Variants in RPA3 observed in about 807,000 individuals in gnomAD.
RPA3 encodes replication protein A3, also known as replication protein A 14 kDa subunit.
A neutral mutation model predicts 13.7 loss-of-function variants in RPA3; 24 were observed. The ratio of observed to expected loss-of-function variants is 1.75; its 90% confidence interval spans 1.27 to 2.46. The LOEUF is 2.46. Ranked by LOEUF, RPA3 falls within the 30% of genes most tolerant of loss-of-function variation. The pLI is 0.00. For missense variants in RPA3, 183 were observed against 151.0 expected (o/e 1.21, Z -1.11); for synonymous variants, 59 against 51.2 (o/e 1.15, Z -0.65).
chr7:7,701,615 T>G (rs977433015), intron 2 of RPA3, among the ~76,000 whole-genome samples: 5 of 152,292 alleles, frequency 3.3e-5, no homozygotes, highest in Admixed American at 1.3e-4. Flanking sequence ...AGAGTTGACC[T>G]TATGGGTCTT....
At position 7,640,370 on chromosome 7, in the gene RPA3, G is replaced by C; in HGVS notation, c.49C>G (p.Leu17Val). The change falls in exon 5 of 8, where the codon CTA becomes GTA. Residue 17 changes from leucine to valine, a missense_variant. By Grantham distance (32) the Leu-to-Val change is conservative. Coordinates refer to ENST00000223129, the MANE Select transcript of RPA3 (RefSeq NM_002947.5). ...LPRSRINAGM[L>V]AQFIDKPVCF... ...ACAGGCTTGTCGATGAATTGAGCTA[G>C]CATGCCGGCGTTGATGCGCGACCTG... The C allele has an allele frequency of 6.2e-7, 1 of 1,614,086 alleles. No homozygotes were observed. Among genetic ancestry groups the C allele is most frequent in the Non-Finnish European group, 8.5e-7 (1 of 1,180,030 alleles).
intron 2 of RPA3, among the ~76,000 whole-genome samples, chr7:7,694,087 C>T (rs1011400056): frequency 5.3e-5 from 8 of 152,040 alleles, no homozygotes; most frequent in African/African-American, 1.9e-4. Flanking sequence ...TTCTCCATAC[C>T]TATAGAGGGG....
At chr7:7,640,242 T>G in intron 5 of RPA3, 78 bp downstream of exon 5, 1 of 1,471,020 alleles carries the variant, frequency 6.8e-7, no homozygotes, top group Non-Finnish European at 9.5e-7. Flanking sequence ...TTTCCGTCCT[T>G]TTTCATCCCC....
intron 2 of RPA3, 26 bp downstream of exon 2, chr7:7,715,149 G>A (rs1488841385): frequency 6.6e-6 from 1 of 152,102 alleles, no homozygotes; most frequent in Non-Finnish European, 1.5e-5. Context: ...CTTCAGCATA[G>A]AAACAGTTAA....
chr7:7,650,814 A>G (rs1785208268), intron 4 of RPA3, among the ~76,000 whole-genome samples: 1 of 151,848 alleles, frequency 6.6e-6, no homozygotes, highest in African/African-American at 2.4e-5. Context: ...TTAAGTCCAA[A>G]CTCCTTGGCA....
intron 3 of RPA3, among the ~76,000 whole-genome samples, chr7:7,686,911 T>A (rs1429033809): frequency 6.6e-6 from 1 of 152,208 alleles, no homozygotes; most frequent in Non-Finnish European, 1.5e-5. Context: ...ACTTCCCTTA[T>A]CCTGGAATGT....
At chr7:7,678,544 G>A (rs1478352802) in intron 4 of RPA3, among the ~76,000 whole-genome samples, 1 of 125,282 alleles carries the variant, frequency 8.0e-6, no homozygotes, top group Admixed American at 8.4e-5. Context: ...TTAATTTATA[G>A]ATAAATATAT....
chr7:7,716,358 C>T (rs994620521), intron 1 of RPA3, among the ~76,000 whole-genome samples: 1 of 152,226 alleles, frequency 6.6e-6, no homozygotes, highest in African/African-American at 2.4e-5. Context: ...GTTAGTGAGG[C>T]TAAGAGAGTC....
At chr7:7,658,396 A>G (rs1017336543) in intron 4 of RPA3, among the ~76,000 whole-genome samples, 5 of 152,212 alleles carry the variant, frequency 3.3e-5, no homozygotes, top group Admixed American at 2.6e-4. Flanking sequence ...GCCAGTTTTC[A>G]AAGGGAATGC....
At chr7:7,692,376 A>T (rs1156466371) in intron 2 of RPA3, 1 of 152,202 alleles carries the variant, frequency 6.6e-6, no homozygotes, top group East Asian at 1.9e-4. Context: ...GAGGAGAAAG[A>T]CATTCCAAGA....
At chr7:7,660,186 A>G (rs1785439057) in intron 4 of RPA3, among the ~76,000 whole-genome samples, 1 of 152,152 alleles carries the variant, frequency 6.6e-6, no homozygotes, top group South Asian at 2.1e-4. Flanking sequence ...TTTTGAGCCT[A>G]TGTGTGTCTT....
intron 2 of RPA3, among the ~76,000 whole-genome samples, chr7:7,707,637 G>T (rs778983282): frequency 3.9e-5 from 6 of 152,014 alleles, no homozygotes; most frequent in Non-Finnish European, 7.4e-5. Flanking sequence ...ATGATATTTT[G>T]GAATTTAAAA....
At chr7:7,647,921 G>C (rs1362986984) in intron 4 of RPA3, among the ~76,000 whole-genome samples, 2 of 152,090 alleles carry the variant, frequency 1.3e-5, no homozygotes, top group African/African-American at 4.8e-5. Context: ...TAAAGTTTTT[G>C]TTGTTGTTGT....
intron 2 of RPA3, among the ~76,000 whole-genome samples, chr7:7,712,774 T>A (rs1056955446): frequency 6.6e-6 from 1 of 152,210 alleles, no homozygotes; most frequent in African/African-American, 2.4e-5. Context: ...GCTTATAATG[T>A]TTGCAATTGT....
chr7:7,649,213 T>G (rs1342015364), intron 4 of RPA3, among the ~76,000 whole-genome samples: 2 of 149,516 alleles, frequency 1.3e-5, no homozygotes, highest in Non-Finnish European at 3.0e-5. Flanking sequence ...AAGGAAATGA[T>G]GTCTTATAGT....
At chr7:7,689,878 TG>T (rs1358147220) in intron 2 of RPA3, among the ~76,000 whole-genome samples, 1 of 152,200 alleles carries the variant, frequency 6.6e-6, no homozygotes, top group Non-Finnish European at 1.5e-5. Flanking sequence ...AAGCAGCTAG[TG>T]ATTAACAACC....
At chr7:7,642,606 C>T (rs1326381558) in intron 4 of RPA3, among the ~76,000 whole-genome samples, 4 of 152,084 alleles carry the variant, frequency 2.6e-5, no homozygotes, top group Non-Finnish European at 5.9e-5. Context: ...TTTAAAACAG[C>T]TTTTTCGTGT....
intron 2 of RPA3, among the ~76,000 whole-genome samples, chr7:7,713,496 A>T (rs1490859622): frequency 6.7e-6 from 1 of 149,042 alleles, no homozygotes; most frequent in East Asian, 2.0e-4. Flanking sequence ...TTGTTTATTT[A>T]TTGCTTTACT....
intron 4 of RPA3, among the ~76,000 whole-genome samples, chr7:7,663,604 A>G (rs1039215668): frequency 1.3e-5 from 2 of 152,206 alleles, no homozygotes; most frequent in Non-Finnish European, 2.9e-5. Context: ...GGTCTCTACT[A>G]TGAATCTAAA....
Sources: allele counts gnomAD v4.1 joint callset (sites outside exome capture counted in the v4.1 genomes callset), GRCh38; gene constraint gnomAD v4.1.1; transcripts MANE v1.5; gene names NCBI Gene and HGNC (gene_info 2026-07-23, HGNC 2026-07-21).